Variants in NEO1 observed in about 807,000 individuals in gnomAD.
The protein encoded by NEO1 is neogenin.
In NEO1, 63 loss-of-function variants were observed where a neutral mutation model predicts 159.7. The observed-to-expected ratio is 0.39, with a 90% CI of 0.32 to 0.49. The LOEUF is 0.49. Among genes scored for constraint, NEO1 ranks in the 20% least tolerant of loss-of-function variants. The pLI, the probability that NEO1 is intolerant of heterozygous loss-of-function variation, is 0.85. For missense variants in NEO1, 1,615 were observed against 1,831.0 expected, an observed-to-expected ratio of 0.88 and a Z score of 2.15; for synonymous variants, 633 against 662.0, an observed-to-expected ratio of 0.96 and a Z score of 0.67.
At chr15:73,128,114 T>C (rs1322030873) in intron 4 of NEO1, among the ~76,000 whole-genome samples, 1 of 152,186 alleles carries the variant, frequency 6.6e-6, no homozygotes, top group African/African-American at 2.4e-5. Flanking sequence ...CTCCCCAATA[T>C]CACCTGATTT....
Position 73,260,401 on chromosome 15 carries a change from C to A in NEO1, c.2334C>A (p.Gly778=). Residue 778 remains glycine, a synonymous_variant, in exon 15 of 29, where the codon GGC becomes GGA. Transcript: ENST00000261908. ...VRGYAIGYGI[G]SPHAQTIKVD... ...GTTACGCCATTGGTTATGGCATTGG[C>A]AGCCCTCATGCCCAGACCATCAAAG... 6.2e-7 allele frequency: 1 copy of A among 1,614,008 alleles called. No homozygotes were observed. Among genetic ancestry groups the A allele is most frequent in the Non-Finnish European group, 8.5e-7 (1 of 1,179,950 alleles).
chr15:73,163,847 C>G (rs1305120431), intron 5 of NEO1, among the ~76,000 whole-genome samples: 3 of 152,080 alleles, frequency 2.0e-5, no homozygotes, highest in Admixed American at 2.0e-4. Flanking sequence ...GGGGTCCCTC[C>G]CCACTACAGA....
intron 5 of NEO1, among the ~76,000 whole-genome samples, chr15:73,152,794 G>T (rs561631906): frequency 1.3e-4 from 20 of 151,862 alleles, no homozygotes; most frequent in African/African-American, 2.2e-4. Context: ...CTAGGTGTGT[G>T]GGGGGGAAAC....
At chr15:73,058,304 C>T (rs1300410040) in intron 1 of NEO1, among the ~76,000 whole-genome samples, 1 of 152,184 alleles carries the variant, frequency 6.6e-6, no homozygotes, top group African/African-American at 2.4e-5. Flanking sequence ...ACAATTTCTT[C>T]ACATTCCACA....
intron 5 of NEO1, among the ~76,000 whole-genome samples, chr15:73,151,832 GA>G (rs1385121691): frequency 6.6e-6 from 1 of 152,130 alleles, no homozygotes; most frequent in Non-Finnish European, 1.5e-5. Context: ...ATTATTTTGG[GA>G]TTTGAACATT....
chr15:73,094,102 A>G (rs1283928181), intron 1 of NEO1, among the ~76,000 whole-genome samples: 2 of 152,192 alleles, frequency 1.3e-5, no homozygotes, highest in African/African-American at 4.8e-5. Context: ...CATACTATAT[A>G]ATCCACCTAT....
chr15:73,117,116 C>T (rs537601430), intron 2 of NEO1, among the ~76,000 whole-genome samples: 1 of 152,164 alleles, frequency 6.6e-6, no homozygotes, highest in South Asian at 2.1e-4. Flanking sequence ...GTTCTTTTCT[C>T]CTTTTAAACT....
chr15:73,091,722 C>T (rs894153936), intron 1 of NEO1, among the ~76,000 whole-genome samples: 3 of 146,442 alleles, frequency 2.0e-5, no homozygotes, highest in African/African-American at 7.7e-5. Context: ...CACCACCACA[C>T]CTGGCTAATT....
At chr15:73,076,914 G>T (rs558224698) in intron 1 of NEO1, among the ~76,000 whole-genome samples, 1 of 152,242 alleles carries the variant, frequency 6.6e-6, no homozygotes, top group African/African-American at 2.4e-5. Flanking sequence ...AGGGATTATT[G>T]TAGGAGGTAA....
At chr15:73,066,342 T>TTTTTTTTTTTTC in intron 1 of NEO1, among the ~76,000 whole-genome samples, 1 of 145,728 alleles carries the variant, frequency 6.9e-6, no homozygotes, top group Non-Finnish European at 1.5e-5. Flanking sequence ...TTTTTTTTTT[T>TTTTTTTTTTTTC]AAATAGTTTG....
At chr15:73,272,728 G>C (rs1187819121) in intron 19 of NEO1, among the ~76,000 whole-genome samples, 166 bp downstream of exon 19, 1 of 152,164 alleles carries the variant, frequency 6.6e-6, no homozygotes. Flanking sequence ...GTGAGGCTGT[G>C]CTGGTCGCCC....
At chr15:73,284,979 T>A (rs2041886855) in intron 23 of NEO1, among the ~76,000 whole-genome samples, 1 of 152,222 alleles carries the variant, frequency 6.6e-6, no homozygotes, top group Non-Finnish European at 1.5e-5. Flanking sequence ...CAAGCCTCTT[T>A]ATTTGGCATT....
intron 1 of NEO1, among the ~76,000 whole-genome samples, chr15:73,113,908 A>T (rs907905803): frequency 6.6e-6 from 1 of 152,176 alleles, no homozygotes; most frequent in African/African-American, 2.4e-5. Context: ...GTTAAAAGAA[A>T]TAGGATGGTT....
At chr15:73,260,725 T>C (rs1019421486) in intron 15 of NEO1, among the ~76,000 whole-genome samples, 2 of 152,120 alleles carry the variant, frequency 1.3e-5, no homozygotes, top group Non-Finnish European at 2.9e-5. Context: ...AGGGTAGAAG[T>C]GTTGGGTTTC....
At chr15:73,235,434 G>A (rs1238819617) in intron 7 of NEO1, among the ~76,000 whole-genome samples, 3 of 152,150 alleles carry the variant, frequency 2.0e-5, no homozygotes, top group Non-Finnish European at 4.4e-5. Flanking sequence ...AGTAGCATGG[G>A]CTGCCTTGGA....
At chr15:73,085,299 T>C (rs1219573107) in intron 1 of NEO1, among the ~76,000 whole-genome samples, 2 of 152,146 alleles carry the variant, frequency 1.3e-5, no homozygotes, top group Non-Finnish European at 2.9e-5. Context: ...CAATGTTGTA[T>C]GAAAGTTTGT....
intron 1 of NEO1, among the ~76,000 whole-genome samples, chr15:73,085,169 G>A (rs1156861265): frequency 6.6e-6 from 1 of 152,060 alleles, no homozygotes; most frequent in Non-Finnish European, 1.5e-5. Context: ...CTAACTCTTG[G>A]CATTCACTGA....
chr15:73,052,694 GC>G lies in NEO1; in HGVS notation c.22del (p.Arg8GlyfsTer65). The G allele has an allele frequency of 7.4e-7, 1 of 1,358,140 alleles. No individual in the cohort carries two copies. The highest frequency in any genetic ancestry group is 9.5e-7 in the Non-Finnish European group (1 of 1,048,280). 84.1% of individuals were successfully genotyped at this position (1,358,140 alleles called of 1,614,324 possible). ...GGAAGAGATGGCGGCGGAGCGGGGA[GC>G]CCGGCGACTCCTCAGCACCCCCTCC... MAAERGARRLLSTPSFW... is the reference protein window; with the variant it reads MAAERGXRRLLSTPSFW... On this transcript the variant is annotated frameshift_variant, in exon 1 of 29. Coordinates refer to ENST00000261908, the MANE Select transcript of NEO1 (RefSeq NM_002499.4). LOFTEE classifies it high-confidence loss of function.
intron 7 of NEO1, among the ~76,000 whole-genome samples, chr15:73,200,569 G>A (rs2036817163): frequency 6.6e-6 from 1 of 151,350 alleles, no homozygotes; most frequent in African/African-American, 2.4e-5. Context: ...AATGGGAAAG[G>A]GAGTCTCTAG....
Sources: allele counts gnomAD v4.1 joint callset (sites outside exome capture counted in the v4.1 genomes callset), GRCh38; gene constraint gnomAD v4.1.1; transcripts MANE v1.5; gene names NCBI Gene and HGNC (gene_info 2026-07-23, HGNC 2026-07-21).